The following ZNF804B variants were observed in gnomAD, a reference collection of about 807,000 sequenced individuals.
ZNF804B encodes zinc finger protein 804B.
In ZNF804B, 80 loss-of-function variants were observed where a neutral mutation model predicts 101.4. The observed-to-expected ratio is 0.79, with a 90% CI of 0.66 to 0.95. The LOEUF is 0.95. Ranked by LOEUF, ZNF804B falls within the 40% of genes least tolerant of loss-of-function variation. The probability of loss-of-function intolerance (pLI) is 0.00; values close to 1 mark genes in which losing one functional copy is unlikely to be tolerated. For missense variants in ZNF804B, 1,673 were observed against 1,561.9 expected (o/e 1.07, Z -1.20); for synonymous variants, 622 against 558.8 (o/e 1.11, Z -1.59).
At chr7:89,225,237 C>G (rs557230459) in intron 2 of ZNF804B, among the ~76,000 whole-genome samples, 1 of 152,054 alleles carries the variant, frequency 6.6e-6, no homozygotes, top group Admixed American at 6.6e-5. Flanking sequence ...TATTCAAGAA[C>G]TTTGTGAGCT....
intron 2 of ZNF804B, among the ~76,000 whole-genome samples, chr7:89,274,671 C>T (rs1303885784): frequency 6.6e-6 from 1 of 151,748 alleles, no homozygotes; most frequent in Non-Finnish European, 1.5e-5. Flanking sequence ...TACTTTTGTA[C>T]TTATCTCTTT....
intron 1 of ZNF804B, among the ~76,000 whole-genome samples, chr7:88,818,680 C>T (rs1030238443): frequency 1.3e-5 from 2 of 152,106 alleles, no homozygotes; most frequent in Non-Finnish European, 2.9e-5. Context: ...GAAAAATAAA[C>T]TTAGACTTGT....
At chr7:88,864,712 A>T (rs1031748098) in intron 1 of ZNF804B, among the ~76,000 whole-genome samples, 11 of 152,088 alleles carry the variant, frequency 7.2e-5, no homozygotes, top group African/African-American at 2.7e-4. Flanking sequence ...TTCATCTGGG[A>T]CCGAAAGCAA....
chr7:88,795,202 C>T lies in ZNF804B; in HGVS notation c.108+35118C>T, dbSNP rs111506974. On this transcript the variant is annotated intron_variant, in intron 1 of 3. Coordinates refer to ENST00000333190, the MANE Select transcript of ZNF804B (RefSeq NM_181646.5). ...TATAGACTTTTTTAAAAGTTTACAACGAAAGAGTTAAATAATATCCTAGGA... is the reference window on the plus strand; with the variant it reads ...TATAGACTTTTTTAAAAGTTTACAATGAAAGAGTTAAATAATATCCTAGGA... Among the ~76,000 whole-genome samples the T allele has an allele frequency of 4.5e-3, 678 of 152,050 alleles. 6 individuals carry two copies. Among genetic ancestry groups the T allele is most frequent in the African/African-American group, 0.015 (634 of 41,494 alleles).
chr7:89,221,734 C>G (rs1361792987), intron 2 of ZNF804B, among the ~76,000 whole-genome samples: 2 of 146,882 alleles, frequency 1.4e-5, no homozygotes, highest in Admixed American at 6.8e-5. Flanking sequence ...CTATTCTATT[C>G]TATTCTATTC....
chr7:89,064,883 A>G (rs866509026), intron 1 of ZNF804B, among the ~76,000 whole-genome samples: 2 of 152,144 alleles, frequency 1.3e-5, no homozygotes, highest in Middle Eastern at 3.2e-3. Context: ...GCATCACACT[A>G]GCTTCACTTA....
chr7:88,898,003 A>T (rs1350753577), intron 1 of ZNF804B, among the ~76,000 whole-genome samples: 1 of 150,912 alleles, frequency 6.6e-6, no homozygotes, highest in Non-Finnish European at 1.5e-5. Flanking sequence ...TTAAACCAGA[A>T]ATGTCCAAAA....
chr7:89,018,592 T>A (rs1013656225), intron 1 of ZNF804B, among the ~76,000 whole-genome samples: 1 of 152,066 alleles, frequency 6.6e-6, no homozygotes, highest in East Asian at 1.9e-4. Flanking sequence ...TTGAGAAGAA[T>A]TGTTATTAGT....
chr7:89,095,282 G>C (rs977072300), intron 1 of ZNF804B, among the ~76,000 whole-genome samples: 1 of 152,142 alleles, frequency 6.6e-6, no homozygotes, highest in Non-Finnish European at 1.5e-5. Flanking sequence ...ATGCCATCTT[G>C]GAAGCAGAGA....
intron 1 of ZNF804B, among the ~76,000 whole-genome samples, chr7:89,074,687 A>T (rs553176461): frequency 6.6e-6 from 1 of 152,210 alleles, no homozygotes; most frequent in Non-Finnish European, 1.5e-5. Context: ...GCTGCTCAAA[A>T]GATACCTGAA....
At chr7:88,904,051 C>G (rs1792431135) in intron 1 of ZNF804B, among the ~76,000 whole-genome samples, 2 of 152,188 alleles carry the variant, frequency 1.3e-5, no homozygotes, top group South Asian at 2.1e-4. Flanking sequence ...ATGGGTATTT[C>G]TTAGCTTTTC....
chr7:89,100,150 G>T (rs375929999), intron 1 of ZNF804B, among the ~76,000 whole-genome samples: 4 of 152,212 alleles, frequency 2.6e-5, no homozygotes, highest in African/African-American at 7.2e-5. Context: ...GAACCCAGAA[G>T]TAAATCCATA....
chr7:88,893,952 G>C (rs1792249241), intron 1 of ZNF804B, among the ~76,000 whole-genome samples: 1 of 151,900 alleles, frequency 6.6e-6, no homozygotes, highest in South Asian at 2.1e-4. Context: ...TGGAAAATTA[G>C]ATAAATTTAT....
At chr7:88,779,122 A>C (rs575443593) in intron 1 of ZNF804B, among the ~76,000 whole-genome samples, 2 of 152,300 alleles carry the variant, frequency 1.3e-5, no homozygotes, top group African/African-American at 4.8e-5. Flanking sequence ...CAAGTATGGC[A>C]ATTTAATTTT....
At chr7:88,763,658 T>G (rs1789933119) in intron 1 of ZNF804B, among the ~76,000 whole-genome samples, 1 of 152,086 alleles carries the variant, frequency 6.6e-6, no homozygotes. Context: ...TACCACAATT[T>G]ATACCTATCC....
chr7:88,894,123 A>G (rs1003371884), intron 1 of ZNF804B, among the ~76,000 whole-genome samples: 5 of 152,174 alleles, frequency 3.3e-5, no homozygotes, highest in Non-Finnish European at 5.9e-5. Flanking sequence ...AACACTCTTT[A>G]TAAGTGTTGG....
intron 1 of ZNF804B, among the ~76,000 whole-genome samples, chr7:89,146,154 T>A (rs772005823): frequency 4.6e-5 from 7 of 152,056 alleles, no homozygotes; most frequent in Non-Finnish European, 1.0e-4. Context: ...ATTGATGAGA[T>A]CCACTTTTTT....
chr7:88,936,281 T>C (rs1355895170), intron 1 of ZNF804B, among the ~76,000 whole-genome samples: 2 of 152,086 alleles, frequency 1.3e-5, no homozygotes, highest in Admixed American at 6.6e-5. Context: ...TTTAAAGATA[T>C]CTTTATTATG....
chr7:89,246,029 G>C (rs1789439916), intron 2 of ZNF804B, among the ~76,000 whole-genome samples: 1 of 152,110 alleles, frequency 6.6e-6, no homozygotes, highest in African/African-American at 2.4e-5. Flanking sequence ...GAGACCGAGA[G>C]CAGGATGTCA....
Sources: allele counts gnomAD v4.1 joint callset (sites outside exome capture counted in the v4.1 genomes callset), GRCh38; gene constraint gnomAD v4.1.1; transcripts MANE v1.5; gene names NCBI Gene and HGNC (gene_info 2026-07-23, HGNC 2026-07-21).